Variants in PAX3 observed in about 807,000 individuals in gnomAD.
PAX3 encodes the protein paired box 3, also known as paired box protein Pax-3.
Under a neutral mutation model 51.6 loss-of-function variants are expected in PAX3, and 14 were observed. The observed-to-expected ratio is 0.27, with a 90% confidence interval of 0.18 to 0.42. PAX3 has a LOEUF of 0.42. Among genes scored for constraint, PAX3 ranks in the 10% least tolerant of loss-of-function variants. PAX3 has a pLI of 1.00. For synonymous variants in PAX3, 280 were observed against 253.4 expected (o/e 1.11, Z -1.00); for missense variants, 540 against 642.8 (o/e 0.84, Z 1.73).
At chr2:222,253,695 G>A (rs1693526484) in intron 4 of PAX3, among the ~76,000 whole-genome samples, 1 of 150,936 alleles carries the variant, frequency 6.6e-6, no homozygotes, top group African/African-American at 2.4e-5. Flanking sequence ...CTGTTGCCCA[G>A]TCTGGAGTGC....
At chr2:222,280,687 T>C (rs1001204839) in intron 4 of PAX3, among the ~76,000 whole-genome samples, 1 of 152,108 alleles carries the variant, frequency 6.6e-6, no homozygotes, top group East Asian at 1.9e-4. Context: ...ATACTTTCCA[T>C]AGACAAGGAG....
At chr2:222,232,961 G>A (rs1421333003) in intron 4 of PAX3, 1 of 152,106 alleles carries the variant, frequency 6.6e-6, no homozygotes, top group Non-Finnish European at 1.5e-5. Flanking sequence ...TAAATCTCTA[G>A]AACTGACCTG....
intron 4 of PAX3, among the ~76,000 whole-genome samples, chr2:222,239,811 T>C (rs1692939806): frequency 6.8e-6 from 1 of 147,864 alleles, no homozygotes; most frequent in South Asian, 2.1e-4. Context: ...CAAAAGACTC[T>C]TTAGCAAGTG....
intron 4 of PAX3, among the ~76,000 whole-genome samples, chr2:222,277,482 A>G (rs1312311563): frequency 3.3e-5 from 5 of 152,194 alleles, no homozygotes; most frequent in Non-Finnish European, 7.3e-5. Flanking sequence ...TCATTATCTA[A>G]TATTTATAAA....
chr2:222,250,407 G>A (rs1013787274), intron 4 of PAX3, among the ~76,000 whole-genome samples: 2 of 151,982 alleles, frequency 1.3e-5, no homozygotes, highest in African/African-American at 4.8e-5. Flanking sequence ...GATACTGCTA[G>A]TACCCTCCCA....
At chr2:222,265,646 A>AGAAGGAAGGAAGGAAGGAAGGAAT (rs1694022328) in intron 4 of PAX3, among the ~76,000 whole-genome samples, 1 of 109,182 alleles carries the variant, frequency 9.2e-6, no homozygotes, top group East Asian at 3.0e-4. Flanking sequence ...ATCAAAAAAA[A>AGAAGGAAGGAAGGAAGGAAGGAAT]GAAGGAAGGA....
At chr2:222,277,932 C>CAAAAAA (rs745911501) in intron 4 of PAX3, among the ~76,000 whole-genome samples, 1 of 90,608 alleles carries the variant, frequency 1.1e-5, no homozygotes, top group African/African-American at 4.5e-5. Context: ...GACTCCATCT[C>CAAAAAA]AAAAAAAAAA....
chr2:222,234,843 C>T (rs17342653), intron 4 of PAX3, among the ~76,000 whole-genome samples: 8,375 of 152,296 alleles, frequency 0.055, 376 homozygotes, highest in Middle Eastern at 0.099. Context: ...AAACAAATTA[C>T]GTATTCCCCT....
chr2:222,256,653 A>G (rs1037796809), intron 4 of PAX3, among the ~76,000 whole-genome samples: 4 of 152,262 alleles, frequency 2.6e-5, no homozygotes, highest in African/African-American at 9.6e-5. Context: ...AATACTGTAT[A>G]TAACAGCATT....
At chr2:222,254,083 C>T (rs540684471) in intron 4 of PAX3, among the ~76,000 whole-genome samples, 21 of 151,776 alleles carry the variant, frequency 1.4e-4, no homozygotes, top group Non-Finnish European at 2.4e-4. Context: ...ACAGAGCTCA[C>T]AGTACAGCAA....
chr2:222,201,641 A>G (rs1335437183), intron 8 of PAX3, 199 bp from the exon 9 acceptor site: 23 of 1,342,054 alleles, frequency 1.7e-5, no homozygotes, highest in Non-Finnish European at 1.9e-5. Context: ...AGCTGACCTC[A>G]TTAAGAACAT....
At chr2:222,278,352 G>C (rs1190474186) in intron 4 of PAX3, among the ~76,000 whole-genome samples, 1 of 152,160 alleles carries the variant, frequency 6.6e-6, no homozygotes, top group African/African-American at 2.4e-5. Flanking sequence ...TCCTCTAGAG[G>C]AGGGGAGTCT....
rs190738593 is a variant in PAX3 at position 222,259,816 on chromosome 2, A to G, written c.587-27533T>C. Among the ~76,000 whole-genome samples, 11 of 152,330 alleles carry G rather than the reference A, an allele frequency of 7.2e-5. No homozygotes were observed. In the East Asian group the frequency reaches 1.9e-3, roughly 27 times the overall value. ...AGATTGTTGTGAGAATGAGTTTATC[A>G]TCTTGATTCTGCTACTTACCAGCAG... On this transcript the variant is annotated intron_variant, in intron 4 of 8. Transcript: ENST00000392070.
chr2:222,202,823 T>C (rs1426063475), intron 7 of PAX3, among the ~76,000 whole-genome samples: 1 of 151,370 alleles, frequency 6.6e-6, no homozygotes, highest in East Asian at 2.0e-4. Flanking sequence ...CACTGTATAT[T>C]CATTAGTTCA....
At chr2:222,218,712 G>A (rs375424097) in intron 7 of PAX3, among the ~76,000 whole-genome samples, 8 of 152,276 alleles carry the variant, frequency 5.3e-5, no homozygotes, top group African/African-American at 1.7e-4. Flanking sequence ...ACAAATGCCA[G>A]TACTTGGAAA....
At chr2:222,280,528 G>T (rs1248339722) in intron 4 of PAX3, among the ~76,000 whole-genome samples, 1 of 152,182 alleles carries the variant, frequency 6.6e-6, no homozygotes. Flanking sequence ...GCCGGGAAAT[G>T]AGTGAGTACT....
At chr2:222,293,776 C>T in intron 4 of PAX3, 3 of 1,614,146 alleles carry the variant, frequency 1.9e-6, no homozygotes, top group Non-Finnish European at 2.5e-6. Context: ...ATAAAAGCTA[C>T]TTCAACTTCT....
intron 4 of PAX3, chr2:222,233,117 C>T (rs1266301898): frequency 7.3e-6 from 1 of 136,556 alleles, no homozygotes; most frequent in Non-Finnish European, 1.6e-5. Flanking sequence ...AAGTATGATC[C>T]CTTTTGTAAA....
chr2:222,297,351 G>T, intron 1 of PAX3, 138 bp from the exon 2 acceptor site: 1 of 718,188 alleles, frequency 1.4e-6, no homozygotes, highest in South Asian at 1.5e-5. Flanking sequence ...CTCGACATCG[G>T]ACTCCCAGAC....
Sources: allele counts gnomAD v4.1 joint callset (sites outside exome capture counted in the v4.1 genomes callset), GRCh38; gene constraint gnomAD v4.1.1; transcripts MANE v1.5; gene names NCBI Gene and HGNC (gene_info 2026-07-23, HGNC 2026-07-21).